OR4N2: variants seen among roughly 807,000 people sequenced by gnomAD.
The protein encoded by OR4N2 is olfactory receptor 4N2.
For missense variants in OR4N2, 307 were observed against 377.6 expected (o/e 0.81, Z 1.55); for synonymous variants, 141 against 140.4 (o/e 1.00, Z -0.03).
chr14:19,817,254 T>G (rs1179031581), intron 1 of OR4N2, among the ~76,000 whole-genome samples: 2 of 152,254 alleles, frequency 1.3e-5, no homozygotes, highest in Non-Finnish European at 2.9e-5. Context: ...TGTAATAGTT[T>G]CTGAAGGAAT....
chr14:19,822,314 T>C (rs1879586681), intron 1 of OR4N2: 1 of 152,268 alleles, frequency 6.6e-6, no homozygotes, highest in Admixed American at 6.5e-5. Flanking sequence ...CTGATATGTA[T>C]CATTTTCCTT....
intron 1 of OR4N2, among the ~76,000 whole-genome samples, chr14:19,808,053 C>T (rs1879207702): frequency 6.6e-6 from 1 of 152,116 alleles, no homozygotes; most frequent in Non-Finnish European, 1.5e-5. Context: ...GATAAAAACC[C>T]TTAACAGACT....
chr14:19,824,504 G>C (rs1204251914), intron 1 of OR4N2, among the ~76,000 whole-genome samples: 2 of 152,366 alleles, frequency 1.3e-5, no homozygotes, highest in South Asian at 2.1e-4. Context: ...ATACCTCACT[G>C]TATGTTAGCA....
Position 19,829,859 on chromosome 14 carries a change from A to T in OR4N2, c.*1487A>T, listed in dbSNP as rs1282859262. On this transcript the variant is annotated 3_prime_UTR_variant, in exon 2 of 2. Coordinates refer to ENST00000557677, the MANE Select transcript of OR4N2 (RefSeq NM_001004723.3). ...GGTAAAAATATTCAGACTATAGAAA[A>T]AGTGGTCTGAATCTTCAAATAATCC... is the stretch of plus-strand genomic sequence containing the variant. 1 of 152,220 alleles carries T rather than the reference A, an allele frequency of 6.6e-6. No individual in the cohort carries two copies. The highest frequency in any genetic ancestry group is 1.5e-5 in the Non-Finnish European group (1 of 68,040). The allele number at this position is 152,220 out of a possible 1,614,324, so 9.4% of individuals were successfully genotyped here.
At chr14:19,812,059 A>G (rs959413700) in intron 1 of OR4N2, among the ~76,000 whole-genome samples, 2 of 152,246 alleles carry the variant, frequency 1.3e-5, no homozygotes, top group Admixed American at 6.5e-5. Flanking sequence ...ACTAGAATTT[A>G]CAAGGAAATT....
In OR4N2 at chr14:19,815,733, T is replaced by C. The variant is rs369008045; in HGVS notation, c.-9-11707T>C. The stretch of plus-strand genomic sequence containing the variant: ...TCTCATTTGTCAATTTTGGATTTTG[T>C]TGCCATTGCTTTTGGTGTTTTAGTC... On this transcript the variant is annotated intron_variant, in intron 1 of 1. Coordinates refer to ENST00000557677, the MANE Select transcript of OR4N2 (RefSeq NM_001004723.3). Among the ~76,000 whole-genome samples the C allele has an allele frequency of 1.7e-4, 26 of 152,272 alleles. No individual in the cohort carries two copies. In the East Asian group the frequency reaches 4.4e-3, roughly 26 times the overall value.
intron 1 of OR4N2, 64 bp from the exon 2 acceptor site, chr14:19,827,376 A>G (rs1337640746): frequency 1.4e-5 from 19 of 1,388,518 alleles, no homozygotes; most frequent in South Asian, 7.0e-5. Context: ...TTTTAGCTGT[A>G]TAACTAGTAT....
intron 1 of OR4N2, among the ~76,000 whole-genome samples, chr14:19,820,598 A>G (rs1879540848): frequency 6.6e-6 from 1 of 152,176 alleles, no homozygotes; most frequent in Non-Finnish European, 1.5e-5. Context: ...CTGACTGGGG[A>G]CGCTGCCTTT....
chr14:19,821,078 T>G (rs7154803), intron 1 of OR4N2, among the ~76,000 whole-genome samples: 7 of 152,098 alleles, frequency 4.6e-5, no homozygotes, highest in African/African-American at 1.7e-4. Context: ...TGAGGGAATC[T>G]CCTGGTCTGC....
chr14:19,816,304 C>T (rs555265074), intron 1 of OR4N2, among the ~76,000 whole-genome samples: 76 of 151,958 alleles, frequency 5.0e-4, no homozygotes, highest in African/African-American at 1.3e-3. Context: ...TGGCCATTTT[C>T]ATGATATTGA....
chr14:19,814,999 A>G (rs1879389772), intron 1 of OR4N2, among the ~76,000 whole-genome samples: 1 of 152,164 alleles, frequency 6.6e-6, no homozygotes. Context: ...AATGACATGA[A>G]CTCATCCTGT....
intron 1 of OR4N2, among the ~76,000 whole-genome samples, chr14:19,823,706 T>A (rs1879622509): frequency 6.7e-6 from 1 of 149,484 alleles, no homozygotes; most frequent in Non-Finnish European, 1.5e-5. Context: ...AAGAACAATA[T>A]TTAAAGAGAA....
At chr14:19,821,146 C>T (rs781542599) in intron 1 of OR4N2, among the ~76,000 whole-genome samples, 6 of 152,362 alleles carry the variant, frequency 3.9e-5, no homozygotes, top group South Asian at 2.1e-4. Context: ...CCTTTCCTCT[C>T]GGCACAGTCT....
At position 19,829,769 on chromosome 14, in the gene OR4N2, G is replaced by A. The variant is rs574454776; in HGVS notation, c.*1397G>A. 15 of 152,360 alleles carry A rather than the reference G, an allele frequency of 9.8e-5. No individual in the cohort carries two copies. Among genetic ancestry groups the A allele is most frequent in the African/African-American group, 3.4e-4 (14 of 41,580 alleles). 9.4% of individuals were successfully genotyped at this position (152,360 alleles called of 1,614,324 possible). A position where few individuals can be genotyped will look rare whatever the true frequency, so the allele number is the denominator to read the frequency against. On this transcript the variant is annotated 3_prime_UTR_variant, in exon 2 of 2. Coordinates refer to ENST00000557677, the MANE Select transcript of OR4N2 (RefSeq NM_001004723.3). ...CAAATGCAAGGGGGTCAAAAATTGA[G>A]TTTTAAAATATTTTATTTTTGATAA...
intron 1 of OR4N2, among the ~76,000 whole-genome samples, chr14:19,804,330 T>A (rs565563487): frequency 7.9e-5 from 12 of 152,330 alleles, no homozygotes; most frequent in African/African-American, 2.9e-4. Flanking sequence ...CTGATGTAGT[T>A]TTTTCTTTAG....
intron 1 of OR4N2, among the ~76,000 whole-genome samples, chr14:19,825,325 A>G (rs1879666324): frequency 6.6e-6 from 1 of 152,200 alleles, no homozygotes; most frequent in African/African-American, 2.4e-5. Flanking sequence ...GCTTCTTAAA[A>G]TACGTACCCT....
At chr14:19,804,737 G>A (rs1879121850) in intron 1 of OR4N2, among the ~76,000 whole-genome samples, 1 of 152,216 alleles carries the variant, frequency 6.6e-6, no homozygotes, top group Non-Finnish European at 1.5e-5. Flanking sequence ...GTCGAGCTCA[G>A]TCCCGAATCT....
At chr14:19,807,790 T>A in intron 1 of OR4N2, among the ~76,000 whole-genome samples, 1 of 151,898 alleles carries the variant, frequency 6.6e-6, no homozygotes, top group East Asian at 1.9e-4. Flanking sequence ...AAAAAACAAA[T>A]CATCAGGCCA....
intron 1 of OR4N2, among the ~76,000 whole-genome samples, chr14:19,811,376 A>G (rs1879291373): frequency 6.6e-6 from 1 of 152,120 alleles, no homozygotes; most frequent in Non-Finnish European, 1.5e-5. Context: ...CCTCCCAAAT[A>G]GCTGATACTA....
Sources: gnomAD v4.1 joint callset for allele counts (sites outside exome capture counted in the v4.1 genomes callset) on GRCh38, gnomAD v4.1.1 for gene constraint, MANE v1.5 for transcripts, NCBI Gene and HGNC (gene_info 2026-07-23, HGNC 2026-07-21) for gene names.